Variants in DNAH8 observed in about 807,000 individuals in gnomAD.
DNAH8 encodes the protein axonemal beta dynein heavy chain 8.
In DNAH8, 382 loss-of-function variants were observed where a neutral mutation model predicts 562.1. The observed-to-expected ratio is 0.68, with a 90% CI of 0.63 to 0.74. The LOEUF is 0.74. DNAH8 is among the 30% of genes least tolerant of loss of function. The pLI, the probability that DNAH8 is intolerant of heterozygous loss-of-function variation, is 0.00. For missense variants in DNAH8, 5,203 were observed against 5,620.4 expected (o/e 0.93, Z 2.37); for synonymous variants, 1,881 against 1,919.4 (o/e 0.98, Z 0.52).
chr6:38,898,021 G>T (rs894501260), intron 60 of DNAH8, among the ~76,000 whole-genome samples: 15 of 152,154 alleles, frequency 9.9e-5, no homozygotes, highest in African/African-American at 3.4e-4. Flanking sequence ...ATAGGAGTTG[G>T]TAGGGAAAGG....
At chr6:38,995,827 C>T (rs1327512154) in intron 88 of DNAH8, among the ~76,000 whole-genome samples, 1 of 152,190 alleles carries the variant, frequency 6.6e-6, no homozygotes, top group African/African-American at 2.4e-5. Context: ...AAGCCACTCT[C>T]GTGCCTCTCC....
intron 15 of DNAH8, among the ~76,000 whole-genome samples, chr6:38,780,461 T>TG (rs1166758658): frequency 6.6e-6 from 1 of 151,976 alleles, no homozygotes; most frequent in Non-Finnish European, 1.5e-5. Context: ...AATGGTAGAC[T>TG]GGGTAAAGAA....
intron 85 of DNAH8, among the ~76,000 whole-genome samples, chr6:38,976,838 A>G (rs1054719700): frequency 1.3e-5 from 2 of 152,324 alleles, no homozygotes; most frequent in African/African-American, 4.8e-5. Context: ...AACATGTTAT[A>G]TGTACTTTTG....
At chr6:38,949,677 C>T (rs1028033792) in intron 81 of DNAH8, 107 bp downstream of exon 81, 14 of 652,894 alleles carry the variant, frequency 2.1e-5, no homozygotes, top group East Asian at 5.4e-5. Flanking sequence ...TTGAAAGTAA[C>T]GGCAAAAACC....
chr6:38,749,381 C>T (rs918936331), intron 8 of DNAH8, among the ~76,000 whole-genome samples: 5 of 151,582 alleles, frequency 3.3e-5, no homozygotes, highest in Non-Finnish European at 7.4e-5. Context: ...AGGGGGTCAG[C>T]GGGGAAAGGG....
In DNAH8 at chr6:38,854,734, G is replaced by A. The variant is rs149331157; in HGVS notation, c.5733+1387G>A. Among the ~76,000 whole-genome samples the A allele has an allele frequency of 6.5e-3, 987 of 152,024 alleles. 13 individuals are homozygous for A. The highest frequency in any genetic ancestry group is 0.023 in the African/African-American group (936 of 41,516). ...AATTAGGCTGAGGATTTAGCATTAA[G>A]TAGAGAGTTGAGAGCAAGTTCCAAA... On this transcript the variant is annotated intron_variant, in intron 41 of 92. Transcript: ENST00000327475.
In DNAH8 at chr6:38,911,518, A is replaced by G. The variant is rs1780894940; in HGVS notation, c.9791A>G (p.Asn3264Ser). ...VTPKSYLSFI[N>S]GYKNIYAEKV... ...CCCAAATCTTACCTCTCATTTATAAATGGTTATAAAAACATTTATGCTGAA... is the reference window on the plus strand; with the variant it reads ...CCCAAATCTTACCTCTCATTTATAAGTGGTTATAAAAACATTTATGCTGAA... The change falls in exon 66 of 93, where the codon AAT becomes AGT. Residue 3264 changes from asparagine (N) to serine (S), a missense_variant. Around this residue, in one of 6 missense-constraint regions of DNAH8, gnomAD observed 977 missense variants for 1,061.8 expected, o/e 0.92. Coordinates refer to ENST00000327475, the MANE Select transcript of DNAH8 (RefSeq NM_001206927.2). 1 of 1,613,856 alleles carries G rather than the reference A, an allele frequency of 6.2e-7. No individual in the cohort carries two copies. The highest frequency in any genetic ancestry group is 1.7e-5 in the Admixed American group (1 of 59,998).
intron 11 of DNAH8, among the ~76,000 whole-genome samples, chr6:38,762,146 A>G (rs1766585851): frequency 6.6e-6 from 1 of 152,196 alleles, no homozygotes. Flanking sequence ...ACATGGTAGT[A>G]GTTGCCATCC....
intron 47 of DNAH8, among the ~76,000 whole-genome samples, chr6:38,867,329 A>T (rs1388360983): frequency 6.6e-6 from 1 of 151,940 alleles, no homozygotes; most frequent in East Asian, 1.9e-4. Context: ...CTTTATAGCC[A>T]CACCCACCTC....
chr6:38,807,152 A>C (rs1771353507), intron 23 of DNAH8, among the ~76,000 whole-genome samples: 1 of 152,162 alleles, frequency 6.6e-6, no homozygotes. Context: ...AGAGGGTGGA[A>C]TTTTCATCTC....
In DNAH8 at chr6:38,783,057, T is replaced by A; in HGVS notation, c.2313T>A (p.Tyr771Ter). The change falls in exon 17 of 93, where the codon TAT becomes TAA. Residue 771 changes from tyrosine (Y) to a stop codon, truncating the protein, a stop_gained. Transcript: ENST00000327475. LOFTEE classifies it high-confidence loss of function. ...SPDGKAVIRQ[Y>*]NKISYVLVEF... ...ACGGTAAAGCTGTCATCCGTCAGTA[T>A]AACAAGATCTCCTATGTGCTGGTGG... 4 of 1,613,980 alleles carry A rather than the reference T, an allele frequency of 2.5e-6. No individual in the cohort carries two copies. Among genetic ancestry groups the A allele is most frequent in the Non-Finnish European group, 3.4e-6 (4 of 1,179,828 alleles).
intron 33 of DNAH8, among the ~76,000 whole-genome samples, chr6:38,841,191 G>C (rs1774751604): frequency 6.6e-6 from 1 of 152,070 alleles, no homozygotes; most frequent in South Asian, 2.1e-4. Flanking sequence ...GGCTGAGGCG[G>C]GCCGATCACC....
In DNAH8 at chr6:38,923,168, C is replaced by G. The variant is rs147574550; in HGVS notation, c.10773C>G (p.Phe3591Leu). The change falls in exon 72 of 93, where the codon TTC becomes TTG. Residue 3591 changes from phenylalanine (F) to leucine (L), a missense_variant. This residue lies in a region of DNAH8 where 1,399 missense variants were observed against 1,518.4 expected (regional missense o/e 0.92). Transcript: ENST00000327475. ...GGTGGACCCAGCAAAGTAAAGAATT[C>G]AAAGCTCAGATTAATAGGTGGGAAT... ...KIRWTQQSKE[F>L]KAQINRLVGD... 4.5e-4 allele frequency: 723 copies of G among 1,613,450 alleles called. 3 individuals carry two copies. Among genetic ancestry groups the G allele is most frequent in the Admixed American group, 1.3e-3 (78 of 59,952 alleles).
chr6:38,765,577 G>A (rs1766912706), intron 11 of DNAH8, among the ~76,000 whole-genome samples: 1 of 152,048 alleles, frequency 6.6e-6, no homozygotes, highest in Non-Finnish European at 1.5e-5. Flanking sequence ...TGTGTTCTTG[G>A]CACCTTTGTC....
At chr6:39,019,717 T>C (rs1014034563) in intron 91 of DNAH8, among the ~76,000 whole-genome samples, 1 of 152,024 alleles carries the variant, frequency 6.6e-6, no homozygotes, top group African/African-American at 2.4e-5. Context: ...TCATAAAAAA[T>C]GATGAGGCCA....
At chr6:38,968,399 T>C (rs1763116995) in intron 82 of DNAH8, among the ~76,000 whole-genome samples, 1 of 152,204 alleles carries the variant, frequency 6.6e-6, no homozygotes, top group Non-Finnish European at 1.5e-5. Flanking sequence ...GTTAAGGGTC[T>C]AGTATCCAGA....
intron 14 of DNAH8, among the ~76,000 whole-genome samples, chr6:38,779,375 CTCTGTCTCTCTCTT>C (rs931500090): frequency 6.6e-5 from 10 of 152,130 alleles, no homozygotes; most frequent in Non-Finnish European, 8.8e-5. Flanking sequence ...CTCTATTTCT[CTCTGTCTCTCTCTT>C]TCTGTCTCTC....
chr6:38,977,146 A>G (rs1254888038), intron 85 of DNAH8, among the ~76,000 whole-genome samples: 1 of 152,200 alleles, frequency 6.6e-6, no homozygotes. Context: ...CTGGTCAAGG[A>G]TAACTTGGGC....
chr6:38,866,939 C>G (rs1320954730), intron 47 of DNAH8, 63 bp downstream of exon 47: 1 of 968,698 alleles, frequency 1.0e-6, no homozygotes, highest in Non-Finnish European at 1.6e-6. Flanking sequence ...TTGTAATTTT[C>G]CCTTGATAAA....
Sources: allele counts gnomAD v4.1 joint callset (sites outside exome capture counted in the v4.1 genomes callset), GRCh38; gene constraint gnomAD v4.1.1; regional missense constraint gnomAD v4.1.1; transcripts MANE v1.5; gene names NCBI Gene and HGNC (gene_info 2026-07-23, HGNC 2026-07-21).